ZNF813: variants seen among roughly 807,000 people sequenced by gnomAD.
ZNF813 encodes zinc finger protein 813.
In ZNF813, 3 loss-of-function variants were observed where a neutral mutation model predicts 7.2. The observed-to-expected ratio is 0.42, with a 90% confidence interval of 0.19 to 1.08. The LOEUF is 1.08. Among genes scored for constraint, ZNF813 ranks in the 50% least tolerant of loss-of-function variants. The probability of loss-of-function intolerance (pLI) is 0.30; values close to 1 mark genes in which losing one functional copy is unlikely to be tolerated. For missense variants in ZNF813, 714 were observed against 753.3 expected (o/e 0.95, Z 0.61); for synonymous variants, 227 against 256.3 (o/e 0.89, Z 1.09).
At chr19:53,470,388 G>A in intron 1 of ZNF813, among the ~76,000 whole-genome samples, 1 of 136,432 alleles carries the variant, frequency 7.3e-6, no homozygotes, top group Non-Finnish European at 1.6e-5. Flanking sequence ...TTCTGCCTGA[G>A]TTTTCTCCCT....
chr19:53,483,696 C>T (rs902017557), intron 1 of ZNF813, 54 bp from the exon 2 acceptor site: 33 of 1,533,838 alleles, frequency 2.2e-5, no homozygotes, highest in Middle Eastern at 3.4e-4. Flanking sequence ...TGTTGTGTTA[C>T]AGGGAGGGGA....
At chr19:53,481,226 G>A (rs1451019408) in intron 1 of ZNF813, among the ~76,000 whole-genome samples, 4 of 152,036 alleles carry the variant, frequency 2.6e-5, no homozygotes, top group South Asian at 2.1e-4. Context: ...GGCCACGAGG[G>A]GTTTTAGGCC....
At chr19:53,472,552 G>C (rs1437459762) in intron 1 of ZNF813, among the ~76,000 whole-genome samples, 4 of 150,576 alleles carry the variant, frequency 2.7e-5, no homozygotes, top group Non-Finnish European at 4.4e-5. Flanking sequence ...CATACATAAG[G>C]TTGGTTATTT....
rs769143191 is a variant in ZNF813 at position 53,491,727 on chromosome 19, G to A, written c.1495G>A (p.Glu499Lys). The stretch of plus-strand genomic sequence containing the variant: ...TGGAGAGAAACCTTACAAGTGTAAT[G>A]AATGTGGCAAGGGTTTTAATCGGAA... ...HTGEKPYKCN[E>K]CGKGFNRKTH... Residue 499 changes from glutamate to lysine, a missense_variant, in exon 4 of 4, where the codon GAA (glutamate) becomes AAA (lysine). Transcript: ENST00000396403. 2.5e-6 allele frequency: 4 copies of A among 1,573,590 alleles called. No individual in the cohort carries two copies. The African/African-American group carries it at 5.4e-5, about 21-fold the overall frequency.
intron 3 of ZNF813, among the ~76,000 whole-genome samples, chr19:53,487,833 A>G (rs1159796444): frequency 6.6e-6 from 1 of 151,576 alleles, no homozygotes; most frequent in Admixed American, 6.6e-5. Context: ...ACCTGCAAAA[A>G]CTTCTCTTTC....
intron 1 of ZNF813, among the ~76,000 whole-genome samples, chr19:53,478,731 T>C (rs1191691120): frequency 1.3e-5 from 2 of 152,072 alleles, no homozygotes; most frequent in African/African-American, 4.8e-5. Context: ...TGAGCCGAAA[T>C]TGTGCCAGTG....
chr19:53,492,541 T>G lies in ZNF813; in HGVS notation c.*455T>G. 1.9e-6 allele frequency: 1 copy of G among 527,598 alleles called. No individual in the cohort carries two copies. The highest frequency in any genetic ancestry group is 3.6e-6 in the Non-Finnish European group (1 of 275,626). The allele number at this position is 527,598 out of a possible 1,614,324, so 32.7% of individuals were successfully genotyped here. ...CTAGAATTTATACTGGAGAGAAACCTTACAAGTGTAATGAGTCTGGCAAAG... is the reference window on the plus strand; with the variant it reads ...CTAGAATTTATACTGGAGAGAAACCGTACAAGTGTAATGAGTCTGGCAAAG... On this transcript the variant is annotated 3_prime_UTR_variant, in exon 4 of 4. Coordinates refer to ENST00000396403, the MANE Select transcript of ZNF813 (RefSeq NM_001004301.4).
chr19:53,479,529 G>A, intron 1 of ZNF813: 1 of 1,293,290 alleles, frequency 7.7e-7, no homozygotes, highest in Admixed American at 1.7e-5. Flanking sequence ...TGGTTGAAGA[G>A]GAGCTGGACT....
At chr19:53,478,676 G>A (rs1391820456) in intron 1 of ZNF813, among the ~76,000 whole-genome samples, 3 of 152,096 alleles carry the variant, frequency 2.0e-5, no homozygotes. Context: ...TACTGGGAAG[G>A]CCAAGGCACA....
At chr19:53,473,447 T>A (rs1281394937) in intron 1 of ZNF813, among the ~76,000 whole-genome samples, 1 of 152,226 alleles carries the variant, frequency 6.6e-6, no homozygotes, top group African/African-American at 2.4e-5. Context: ...CAGCTTGGTC[T>A]CATCTCAGGA....
chr19:53,488,273 T>A (rs1172048928), intron 3 of ZNF813: 1 of 455,432 alleles, frequency 2.2e-6, no homozygotes, highest in South Asian at 1.6e-5. Flanking sequence ...TCCATCAACC[T>A]CAGCCTCCGA....
chr19:53,482,104 G>A (rs553023161), intron 1 of ZNF813, among the ~76,000 whole-genome samples: 5 of 152,206 alleles, frequency 3.3e-5, no homozygotes, highest in East Asian at 3.9e-4. Flanking sequence ...GCAAAATAGA[G>A]TACGTGTCTG....
At chr19:53,474,527 A>G (rs2086373470) in intron 1 of ZNF813, among the ~76,000 whole-genome samples, 1 of 152,108 alleles carries the variant, frequency 6.6e-6, no homozygotes, top group South Asian at 2.1e-4. Flanking sequence ...TCTCTACTGA[A>G]AAAACAAAAG....
At chr19:53,484,597 G>C (rs2086424058) in intron 2 of ZNF813, among the ~76,000 whole-genome samples, 1 of 152,060 alleles carries the variant, frequency 6.6e-6, no homozygotes, top group Admixed American at 6.6e-5. Flanking sequence ...TGAAGTCTTG[G>C]TCTGTCACCT....
intron 1 of ZNF813, among the ~76,000 whole-genome samples, chr19:53,475,657 T>A (rs2086378657): frequency 6.6e-6 from 1 of 152,216 alleles, no homozygotes; most frequent in South Asian, 2.1e-4. Context: ...GTCCTAGAGT[T>A]AATTTGCTAG....
At chr19:53,486,475 G>A (rs1450898896) in intron 2 of ZNF813, among the ~76,000 whole-genome samples, 157 bp from the exon 3 acceptor site, 1 of 151,452 alleles carries the variant, frequency 6.6e-6, no homozygotes, top group Non-Finnish European at 1.5e-5. Flanking sequence ...ATAAAACACA[G>A]CTGGGAAGAC....
At chr19:53,488,576 TTTTTTGTA>T (rs2086444700) in intron 3 of ZNF813, among the ~76,000 whole-genome samples, 1 of 136,250 alleles carries the variant, frequency 7.3e-6, no homozygotes, top group African/African-American at 2.7e-5. Flanking sequence ...ACCCGGCTAA[TTTTTTGTA>T]TTTTTTTTTT....
At chr19:53,477,410 C>T (rs1454248396) in intron 1 of ZNF813, among the ~76,000 whole-genome samples, 4 of 149,652 alleles carry the variant, frequency 2.7e-5, no homozygotes, top group East Asian at 2.0e-4. Flanking sequence ...CTACTACTGG[C>T]GCATGATTTA....
chr19:53,474,279 C>A (rs2086372278), intron 1 of ZNF813, among the ~76,000 whole-genome samples: 1 of 152,220 alleles, frequency 6.6e-6, no homozygotes. Context: ...AGGCATGGCT[C>A]CTGCTTCTTG....
Sources: gnomAD v4.1 joint callset for allele counts (sites outside exome capture counted in the v4.1 genomes callset) on GRCh38, gnomAD v4.1.1 for gene constraint, MANE v1.5 for transcripts, NCBI Gene and HGNC (gene_info 2026-07-23, HGNC 2026-07-21) for gene names.